The following SLC2A12 variants were observed in gnomAD, a reference collection of about 807,000 sequenced individuals.
SLC2A12 encodes solute carrier family 2, facilitated glucose transporter member 12.
A neutral mutation model predicts 41.8 loss-of-function variants in SLC2A12; 23 were observed. The observed-to-expected ratio is 0.55, with a 90% CI of 0.40 to 0.78. SLC2A12 has a LOEUF of 0.78. Among genes scored for constraint, SLC2A12 ranks in the 30% least tolerant of loss-of-function variants. The probability of loss-of-function intolerance (pLI) is 0.00; values close to 1 mark genes in which losing one functional copy is unlikely to be tolerated. For missense variants in SLC2A12, 654 were observed against 745.6 expected (o/e 0.88, Z 1.43); for synonymous variants, 295 against 285.9 (o/e 1.03, Z -0.32).
chr6:133,999,321 A>G (rs1776729048), intron 4 of SLC2A12, among the ~76,000 whole-genome samples: 1 of 152,196 alleles, frequency 6.6e-6, no homozygotes, highest in Non-Finnish European at 1.5e-5. Flanking sequence ...AGGAAAGAAG[A>G]TTGTTTCACA....
intron 4 of SLC2A12, among the ~76,000 whole-genome samples, chr6:133,999,170 G>C (rs1776727474): frequency 6.6e-6 from 1 of 152,190 alleles, no homozygotes; most frequent in Non-Finnish European, 1.5e-5. Context: ...TCCAGGGCTA[G>C]AGCTACTCAG....
chr6:133,998,973 T>C (rs1050810648), intron 4 of SLC2A12, among the ~76,000 whole-genome samples: 5 of 152,230 alleles, frequency 3.3e-5, no homozygotes, highest in African/African-American at 9.6e-5. Flanking sequence ...TTTTTAATCA[T>C]CTACCAGAAA....
intron 1 of SLC2A12, among the ~76,000 whole-genome samples, chr6:134,045,894 C>T (rs1274709986): frequency 6.6e-6 from 1 of 152,142 alleles, no homozygotes; most frequent in African/African-American, 2.4e-5. Context: ...TTCATAAATT[C>T]TTGAATTCCT....
Position 133,989,320 on chromosome 6 carries a change from A to C in SLC2A12, c.*1835T>G, listed in dbSNP as rs894269135. ...ATATTGGATAAAAATTTGAAGACAA[A>C]ATTGTTTAGTTACAGACTCAGGATA... On this transcript the variant is annotated 3_prime_UTR_variant, in exon 5 of 5. Transcript: ENST00000275230. 8 of 152,142 alleles carry C rather than the reference A, an allele frequency of 5.3e-5. No homozygotes were observed. The highest frequency in any genetic ancestry group is 1.9e-4 in the African/African-American group (8 of 41,446). 9.4% of individuals were successfully genotyped at this position (152,142 alleles called of 1,614,324 possible).
chr6:134,022,302 G>C (rs969918724), intron 2 of SLC2A12, among the ~76,000 whole-genome samples: 1 of 150,684 alleles, frequency 6.6e-6, no homozygotes, highest in African/African-American at 2.4e-5. Context: ...AGGCTGAGGT[G>C]GGTAGATCAC....
At position 134,052,425 on chromosome 6, in the gene SLC2A12, G is replaced by T. The variant is rs537972114; in HGVS notation, c.56C>A (p.Ala19Asp). 1.2e-6 allele frequency: 2 copies of T among 1,613,386 alleles called. No homozygotes were observed. Among genetic ancestry groups the T allele is most frequent in the African/African-American group, 1.3e-5 (1 of 75,016 alleles). ...GCTGCCGCTGCCCTCCGTCTCCACG[G>T]CTGTCCCCTTCTGGTTCAGCAGACT... The part of the protein sequence containing the change: ...GPSLLNQKGT[A>D]VETEGSGSRH... Residue 19 changes from alanine (A) to aspartate (D), a missense_variant, in exon 1 of 5, where the codon GCC becomes GAC. Physicochemically the swap from Ala to Asp is moderately radical, Grantham distance 126. Transcript: ENST00000275230.
chr6:134,021,770 C>G (rs1777043427), intron 2 of SLC2A12, among the ~76,000 whole-genome samples: 2 of 152,182 alleles, frequency 1.3e-5, no homozygotes, highest in South Asian at 4.1e-4. Context: ...TCTAGAAACA[C>G]ACTAGTAGTT....
chr6:133,994,575 A>C (rs573203245), intron 4 of SLC2A12, among the ~76,000 whole-genome samples: 151 of 152,244 alleles, frequency 9.9e-4, no homozygotes, highest in Non-Finnish European at 1.6e-3. Flanking sequence ...AAAATACAAA[A>C]AAATTAGCCA....
chr6:134,014,656 C>T (rs895802228), intron 2 of SLC2A12, among the ~76,000 whole-genome samples: 22 of 152,174 alleles, frequency 1.4e-4, no homozygotes, highest in African/African-American at 2.2e-4. Flanking sequence ...TAAAGTAACA[C>T]GTGAATACTT....
At chr6:134,004,271 T>C (rs127171) in intron 3 of SLC2A12, among the ~76,000 whole-genome samples, 28,633 of 152,166 alleles carry the variant, frequency 0.19, 3,097 homozygotes, top group South Asian at 0.31. Flanking sequence ...GTTGAGGGCA[T>C]GTGTTTATGT....
chr6:134,052,359 C>T lies in SLC2A12; in HGVS notation c.103+19G>A. The T allele has an allele frequency of 6.2e-7, 1 of 1,604,626 alleles. No individual in the cohort carries two copies. Among genetic ancestry groups the T allele is most frequent in the Non-Finnish European group, 8.5e-7 (1 of 1,176,040 alleles). ...GCTTGCTTCTCTGCGGTCACCCGAG[C>T]ACTGCAGGCTCACTTTACCTCTCGC... On this transcript the variant is annotated intron_variant, in intron 1 of 4. Coordinates refer to ENST00000275230, the MANE Select transcript of SLC2A12 (RefSeq NM_145176.3).
intron 3 of SLC2A12, 150 bp from the exon 4 acceptor site, chr6:134,002,279 T>C: frequency 1.2e-6 from 1 of 858,510 alleles, no homozygotes; most frequent in Non-Finnish European, 1.7e-6. Flanking sequence ...ATTTAAAATG[T>C]AGCCAGCTCT....
At chr6:134,022,854 T>C (rs1777063560) in intron 2 of SLC2A12, among the ~76,000 whole-genome samples, 1 of 152,192 alleles carries the variant, frequency 6.6e-6, no homozygotes, top group African/African-American at 2.4e-5. Flanking sequence ...ACTACATGAT[T>C]TTCCTGTAAC....
chr6:134,024,722 T>A (rs928079486), intron 2 of SLC2A12, among the ~76,000 whole-genome samples: 1 of 152,228 alleles, frequency 6.6e-6, no homozygotes, highest in Non-Finnish European at 1.5e-5. Context: ...TAAATGTATC[T>A]TATATAAATG....
In SLC2A12 at chr6:133,988,356, T is replaced by C. The variant is rs185187748; in HGVS notation, c.*2799A>G. On this transcript the variant is annotated 3_prime_UTR_variant, in exon 5 of 5. Transcript: ENST00000275230. ...GTCATTTAGGTTTAGGAGTTTAGTG[T>C]AACCAACAGTGATTATACCTAGAAA... 3 of 152,338 alleles carry C rather than the reference T, an allele frequency of 2.0e-5. No homozygotes were observed. In the East Asian group the frequency reaches 5.8e-4, roughly 29 times the overall value. 9.4% of individuals were successfully genotyped at this position (152,338 alleles called of 1,614,324 possible).
intron 3 of SLC2A12, 50 bp downstream of exon 3, chr6:134,006,762 A>C (rs769320883): frequency 6.2e-7 from 1 of 1,608,542 alleles, no homozygotes. Flanking sequence ...ATTCCCTAAC[A>C]TTTGTCCTAC....
At chr6:134,001,075 G>A (rs80345524) in intron 4 of SLC2A12, among the ~76,000 whole-genome samples, 2,655 of 151,386 alleles carry the variant, frequency 0.018, 70 homozygotes, top group African/African-American at 0.061. Flanking sequence ...CTGTTGGGGG[G>A]AGCTAGAGAG....
intron 1 of SLC2A12, among the ~76,000 whole-genome samples, chr6:134,044,322 T>A (rs1005774528): frequency 7.2e-5 from 11 of 152,216 alleles, no homozygotes; most frequent in African/African-American, 2.7e-4. Flanking sequence ...GGGTCTGGCA[T>A]CATATCTGAT....
In SLC2A12 at chr6:133,990,924, G is replaced by A. The variant is rs569003948; in HGVS notation, c.*231C>T. 5.4e-4 allele frequency: 229 copies of A among 422,580 alleles called. No homozygotes were observed. Among genetic ancestry groups the A allele is most frequent in the Non-Finnish European group, 8.6e-4 (210 of 243,076 alleles). 26.2% of individuals were successfully genotyped at this position (422,580 alleles called of 1,614,324 possible). On this transcript the variant is annotated 3_prime_UTR_variant, in exon 5 of 5. Transcript: ENST00000275230. ...GCCAGTAACTTTTTTTTTTTAACCT[G>A]ATATCCTGCTCAGAAAAAGAGATCA...
Sources: gnomAD v4.1 joint callset for allele counts (sites outside exome capture counted in the v4.1 genomes callset) on GRCh38, gnomAD v4.1.1 for gene constraint, MANE v1.5 for transcripts, NCBI Gene and HGNC (gene_info 2026-07-23, HGNC 2026-07-21) for gene names.